Variants in SLC30A8 observed in about 807,000 individuals in gnomAD.
The protein encoded by SLC30A8 is proton-coupled zinc antiporter SLC30A8.
SLC30A8 carries 27 observed loss-of-function variants against 36.9 expected under a neutral mutation model. That is an observed-to-expected ratio of 0.73 (90% confidence interval 0.54 to 1.01). The LOEUF is 1.01. Ranked by LOEUF, SLC30A8 falls within the 50% of genes least tolerant of loss-of-function variation. SLC30A8 has a pLI of 0.00. For missense variants in SLC30A8, 439 were observed against 452.0 expected (o/e 0.97, Z 0.26); for synonymous variants, 164 against 172.4 (o/e 0.95, Z 0.38).
chr8:117,132,679 A>C (rs768505366), upstream of SLC30A8, among the ~76,000 whole-genome samples: 3 of 152,052 alleles, frequency 2.0e-5, no homozygotes, highest in Admixed American at 2.0e-4. Context: ...TGGGCAGTTC[A>C]TGCCAAAGTA....
intron 1 of SLC30A8, among the ~76,000 whole-genome samples, chr8:117,026,102 A>C (rs993225662): frequency 1.3e-5 from 2 of 152,188 alleles, no homozygotes; most frequent in Admixed American, 6.6e-5. Context: ...CCTTCACAGC[A>C]AAGAACAAAG....
intron 1 of SLC30A8, among the ~76,000 whole-genome samples, chr8:117,144,205 T>TACAAA (rs1284792635): frequency 6.6e-6 from 1 of 152,174 alleles, no homozygotes; most frequent in Non-Finnish European, 1.5e-5. Context: ...TCTGTGGTTA[T>TACAAA]TATTAGGATA....
At chr8:116,974,212 T>C (rs1396371960) in intron 1 of SLC30A8, among the ~76,000 whole-genome samples, 1 of 152,164 alleles carries the variant, frequency 6.6e-6, no homozygotes, top group Non-Finnish European at 1.5e-5. Context: ...ACTAAAGAGC[T>C]TCTGTACAGC....
intron 2 of SLC30A8, among the ~76,000 whole-genome samples, chr8:117,123,591 A>C (rs1297986566): frequency 6.6e-6 from 1 of 152,028 alleles, no homozygotes; most frequent in East Asian, 1.9e-4. Context: ...TTTTAAAATT[A>C]TACTTTATAG....
intron 2 of SLC30A8, among the ~76,000 whole-genome samples, chr8:117,098,766 C>T (rs775675923): frequency 1.5e-4 from 23 of 152,112 alleles, no homozygotes; most frequent in Non-Finnish European, 3.4e-4. Flanking sequence ...AGAGAAAAGG[C>T]TATTCCATTT....
chr8:116,995,984 C>T (rs987486857), intron 1 of SLC30A8, among the ~76,000 whole-genome samples: 3 of 152,166 alleles, frequency 2.0e-5, no homozygotes, highest in African/African-American at 4.8e-5. Context: ...GTAAAATCCC[C>T]GGTAAGCCTT....
chr8:116,976,836 T>TCTTTTCTTTTCTTTTCTTTTCTTTTC (rs1815045407), intron 1 of SLC30A8, among the ~76,000 whole-genome samples: 10 of 141,658 alleles, frequency 7.1e-5, no homozygotes, highest in African/African-American at 2.2e-4. Flanking sequence ...TTTTTTTTTT[T>TCTTTTCTTTTCTTTTCTTTTCTTTTC]TTACAGAGTC....
chr8:117,005,114 T>G (rs1431681997), intron 1 of SLC30A8, among the ~76,000 whole-genome samples: 1 of 152,168 alleles, frequency 6.6e-6, no homozygotes, highest in African/African-American at 2.4e-5. Flanking sequence ...ATATTTATAA[T>G]TATACCCTTG....
chr8:117,032,329 G>T (rs1056740823), intron 1 of SLC30A8, among the ~76,000 whole-genome samples: 1 of 152,130 alleles, frequency 6.6e-6, no homozygotes, highest in Admixed American at 6.5e-5. Context: ...ATCATGTTCT[G>T]TAATCAGTTC....
At chr8:117,067,394 A>G (rs1818202660) in intron 2 of SLC30A8, among the ~76,000 whole-genome samples, 1 of 151,710 alleles carries the variant, frequency 6.6e-6, no homozygotes, top group African/African-American at 2.4e-5. Flanking sequence ...TTACTGCCAT[A>G]TCACCATTAT....
At chr8:117,090,368 C>T (rs1819062360) in intron 2 of SLC30A8, among the ~76,000 whole-genome samples, 1 of 152,174 alleles carries the variant, frequency 6.6e-6, no homozygotes, top group African/African-American at 2.4e-5. Context: ...TATTAAGGAG[C>T]CTTTCTGTGT....
intron 1 of SLC30A8, among the ~76,000 whole-genome samples, chr8:116,996,977 CTTT>C (rs778956654): frequency 7.0e-6 from 1 of 142,388 alleles, no homozygotes. Context: ...AGGAGGCATT[CTTT>C]TTTTTTTTTT....
At chr8:117,018,977 T>G (rs1300257430) in intron 1 of SLC30A8, among the ~76,000 whole-genome samples, 6 of 152,208 alleles carry the variant, frequency 3.9e-5, no homozygotes, top group African/African-American at 1.4e-4. Context: ...TCTTGTTTCA[T>G]ATGAACTACC....
At chr8:117,032,088 G>A (rs1817070928) in intron 1 of SLC30A8, among the ~76,000 whole-genome samples, 1 of 151,774 alleles carries the variant, frequency 6.6e-6, no homozygotes, top group African/African-American at 2.4e-5. Flanking sequence ...TTACGCCTCA[G>A]CCCATCTCTG....
chr8:117,016,367 T>A (rs1219357031), intron 1 of SLC30A8, among the ~76,000 whole-genome samples: 4 of 152,194 alleles, frequency 2.6e-5, no homozygotes, highest in Non-Finnish European at 5.9e-5. Flanking sequence ...GGATCAGATA[T>A]AATGTCAGAC....
At chr8:117,162,640 T>TA (rs1389855301) in intron 5 of SLC30A8, among the ~76,000 whole-genome samples, 1 of 152,160 alleles carries the variant, frequency 6.6e-6, no homozygotes, top group Non-Finnish European at 1.5e-5. Context: ...CAGCTTTTCC[T>TA]AAAAAAGTGA....
chr8:117,149,432 T>C (rs1481371809), intron 2 of SLC30A8, among the ~76,000 whole-genome samples: 1 of 152,214 alleles, frequency 6.6e-6, no homozygotes, highest in Non-Finnish European at 1.5e-5. Flanking sequence ...GTGAATTCCC[T>C]AAGAGGTGGC....
chr8:117,031,505 G>C (rs1296863977), intron 1 of SLC30A8, among the ~76,000 whole-genome samples: 1 of 150,968 alleles, frequency 6.6e-6, no homozygotes, highest in Non-Finnish European at 1.5e-5. Context: ...TGTTGCCCAG[G>C]CTGGAGTGCA....
intron 6 of SLC30A8, among the ~76,000 whole-genome samples, chr8:117,170,086 C>T (rs563775577): frequency 5.1e-4 from 77 of 152,254 alleles, no homozygotes; most frequent in African/African-American, 1.6e-3. Flanking sequence ...ATCTTGGCTG[C>T]CTGATAGAAT....
Sources: allele counts gnomAD v4.1 joint callset (sites outside exome capture counted in the v4.1 genomes callset), GRCh38; gene constraint gnomAD v4.1.1; transcripts MANE v1.5; gene names NCBI Gene and HGNC (gene_info 2026-07-23, HGNC 2026-07-21).